GIT2: variants seen among roughly 807,000 people sequenced by gnomAD.
GIT2 encodes GIT ArfGAP 2.
GIT2 carries 32 observed loss-of-function variants against 100.3 expected under a neutral mutation model. The observed-to-expected ratio is 0.32, with a 90% CI of 0.24 to 0.43. GIT2 has a LOEUF of 0.43. Among genes scored for constraint, GIT2 ranks in the 20% least tolerant of loss-of-function variants. The pLI is 1.00. For synonymous variants in GIT2, 353 were observed against 364.1 expected (o/e 0.97, Z 0.35); for missense variants, 737 against 975.1 (o/e 0.76, Z 3.25).
intron 18 of GIT2, among the ~76,000 whole-genome samples, chr12:109,937,683 A>G (rs936829629): frequency 6.6e-6 from 1 of 152,114 alleles, no homozygotes; most frequent in Non-Finnish European, 1.5e-5. Context: ...AAGTGCAGAG[A>G]TGGACTTGGG....
At position 109,996,073 on chromosome 12, in the gene GIT2, A is replaced by G. The variant is rs1593182167; in HGVS notation, c.52+100T>C. 1.2e-5 allele frequency: 9 copies of G among 746,542 alleles called. No homozygotes were observed. In the South Asian group the frequency reaches 1.8e-4, roughly 15 times the overall value. 46.2% of individuals were successfully genotyped at this position (746,542 alleles called of 1,614,324 possible). ...GCCGCCCAGGGACCTCTTCGTTGCG[A>G]CCCTAGCCGCGGGATGCAGCCTGAC... is the stretch of plus-strand genomic sequence containing the variant. On this transcript the variant is annotated intron_variant, in intron 1 of 19. Coordinates refer to ENST00000355312, the MANE Select transcript of GIT2 (RefSeq NM_057169.5).
At chr12:109,991,112 C>A (rs1272116844) in intron 2 of GIT2, among the ~76,000 whole-genome samples, 5 of 152,078 alleles carry the variant, frequency 3.3e-5, no homozygotes, top group Admixed American at 2.6e-4. Flanking sequence ...GAGTTCGAGA[C>A]CAGCCTGGCC....
chr12:109,988,770 T>G (rs1416643559), intron 4 of GIT2, among the ~76,000 whole-genome samples, 193 bp downstream of exon 4: 1 of 141,262 alleles, frequency 7.1e-6, no homozygotes, highest in African/African-American at 2.7e-5. Context: ...GGAGAATCGC[T>G]GGAACCCGGG....
At chr12:109,960,495 C>T (rs911559977) in intron 11 of GIT2, among the ~76,000 whole-genome samples, 30 of 152,008 alleles carry the variant, frequency 2.0e-4, no homozygotes, top group Admixed American at 1.9e-3. Flanking sequence ...GCAAGAGAAT[C>T]GCTTGGGTCC....
At chr12:109,961,405 C>T (rs1881023455) in intron 10 of GIT2, 30 bp from the exon 11 acceptor site, 9 of 1,355,910 alleles carry the variant, frequency 6.6e-6, no homozygotes, top group Admixed American at 3.4e-5. Context: ...AGAGACAAAC[C>T]TCATCACGCC....
chr12:109,952,563 G>A (rs1439723430), intron 13 of GIT2: 2 of 519,134 alleles, frequency 3.9e-6, no homozygotes, highest in South Asian at 1.4e-5. Context: ...CCCTATGCAT[G>A]ACCAGCTTCC....
chr12:109,996,609 G>A (rs1042277514), upstream of GIT2, among the ~76,000 whole-genome samples: 1 of 152,164 alleles, frequency 6.6e-6, no homozygotes, highest in African/African-American at 2.4e-5. Context: ...ACCTTCCTGA[G>A]GCAATCAATG....
At chr12:109,961,441 C>T (rs1294659263) in intron 10 of GIT2, 66 bp from the exon 11 acceptor site, 2 of 1,070,246 alleles carry the variant, frequency 1.9e-6, no homozygotes, top group East Asian at 2.4e-5. Flanking sequence ...CTGGGAGGCA[C>T]AGCTCACGCA....
rs952030882 is a variant in GIT2, at chr12:109,948,481, G to T, written c.1393-977C>A. On this transcript the variant is annotated intron_variant, in intron 14 of 19. Transcript: ENST00000355312. The surrounding 1 kb of genome is among the most constrained non-coding windows in gnomAD (Gnocchi z 4.3). ...GTGCTGGATGGATTAGAGTTAAGGG[G>T]TCAGCAGGGAATCGTGTTACTCTTT... is the stretch of plus-strand genomic sequence containing the variant. 1.7e-6 allele frequency: 2 copies of T among 1,154,360 alleles called. No individual in the cohort carries two copies. The highest frequency in any genetic ancestry group is 2.1e-6 in the Non-Finnish European group (2 of 935,800). The allele number at this position is 1,154,360 out of a possible 1,614,324, so 71.5% of individuals were successfully genotyped here.
At chr12:109,939,471 C>T in intron 16 of GIT2, 1 of 409,138 alleles carries the variant, frequency 2.4e-6, no homozygotes, top group South Asian at 2.3e-5. Context: ...GTGGCCACTT[C>T]CTAATCAGAT....
intron 6 of GIT2, chr12:109,981,489 G>C (rs1452426639): frequency 3.6e-5 from 6 of 164,766 alleles, no homozygotes; most frequent in African/African-American, 1.4e-4. Flanking sequence ...TGTTGAAGAA[G>C]GTCCTTCCCC....
At position 109,930,305 on chromosome 12, in the gene GIT2, A is replaced by C. The variant is rs752874335; in HGVS notation, c.*2673T>G. 6.5e-6 allele frequency: 1 copy of C among 152,850 alleles called. No homozygotes were observed. Among genetic ancestry groups the C allele is most frequent in the Non-Finnish European group, 1.5e-5 (1 of 68,142 alleles). 9.5% of individuals were successfully genotyped at this position (152,850 alleles called of 1,614,324 possible). A position where few individuals can be genotyped will look rare whatever the true frequency, so the allele number is the denominator to read the frequency against. ...TTCTGTTCAGTCAAGTGCCAGTTTC[A>C]TAAAGTGCACCTCTGCCCTATCAGC... is the stretch of plus-strand genomic sequence containing the variant. On this transcript the variant is annotated 3_prime_UTR_variant, in exon 20 of 20. Transcript: ENST00000355312.
At position 109,953,244 on chromosome 12, in the gene GIT2, A is replaced by G. The variant is rs750183707; in HGVS notation, c.1100-10T>C. 6.2e-7 allele frequency: 1 copy of G among 1,612,802 alleles called. No individual in the cohort carries two copies. The highest frequency in any genetic ancestry group is 8.5e-7 in the Non-Finnish European group (1 of 1,179,280). ...ATGAGCTCCACATTGTCTATCAATA[A>G]AAGCAAACAACTTTACTTCAGGCTT... On this transcript the variant is annotated splice_polypyrimidine_tract_variant and intron_variant, in intron 12 of 19. Coordinates refer to ENST00000355312, the MANE Select transcript of GIT2 (RefSeq NM_057169.5).
chr12:109,971,608 G>A (rs1883890358), intron 7 of GIT2, among the ~76,000 whole-genome samples: 1 of 151,886 alleles, frequency 6.6e-6, no homozygotes, highest in Non-Finnish European at 1.5e-5. Flanking sequence ...ATAGGTGTGA[G>A]CCACTGTGCC....
chr12:109,987,938 C>T (rs1887708965), intron 4 of GIT2, among the ~76,000 whole-genome samples: 1 of 152,190 alleles, frequency 6.6e-6, no homozygotes. Flanking sequence ...TATCATAAAC[C>T]ATTCTGTGTA....
intron 7 of GIT2, among the ~76,000 whole-genome samples, chr12:109,979,272 CTTTTTTTTTTT>C (rs11338613): frequency 1.2e-5 from 1 of 85,802 alleles, no homozygotes; most frequent in African/African-American, 4.6e-5. Flanking sequence ...CAGAAAAAGG[CTTTTTTTTTTT>C]TTTTTTTTTT....
At chr12:109,945,913 T>C (rs1019646075) in intron 15 of GIT2, among the ~76,000 whole-genome samples, 1 of 152,060 alleles carries the variant, frequency 6.6e-6, no homozygotes, top group Non-Finnish European at 1.5e-5. Flanking sequence ...GGCGGGCGGA[T>C]TGCCTGAGCT....
At chr12:109,951,402 A>G (rs915264075) in intron 13 of GIT2, 86 bp from the exon 14 acceptor site, 7 of 1,155,634 alleles carry the variant, frequency 6.1e-6, no homozygotes, top group African/African-American at 1.5e-5. Context: ...ATTCTGACCA[A>G]GCCAGCTGAA....
intron 7 of GIT2, among the ~76,000 whole-genome samples, chr12:109,970,943 T>C (rs1203108784): frequency 1.3e-4 from 20 of 152,126 alleles, no homozygotes; most frequent in Admixed American, 1.3e-3. Context: ...GCATGCACCA[T>C]CACACATGGC....
Sources: allele counts gnomAD v4.1 joint callset (sites outside exome capture counted in the v4.1 genomes callset), GRCh38; gene constraint gnomAD v4.1.1; non-coding constraint Gnocchi (gnomAD v3.1); transcripts MANE v1.5; gene names NCBI Gene and HGNC (gene_info 2026-07-23, HGNC 2026-07-21).